AKT3: variants seen among roughly 807,000 people sequenced by gnomAD.
AKT3 encodes the protein AKT serine/threonine kinase 3.
In AKT3, 15 loss-of-function variants were observed where a neutral mutation model predicts 65.3. That is an observed-to-expected ratio of 0.23 (90% CI 0.15 to 0.35). The LOEUF (loss-of-function observed/expected upper bound fraction) is 0.35, where lower values mean the gene tolerates loss of function less well. AKT3 is among the 10% of genes least tolerant of loss of function. AKT3 has a pLI of 1.00. For missense variants in AKT3, 243 were observed against 576.5 expected (o/e 0.42, Z 5.92); for synonymous variants, 206 against 183.8 (o/e 1.12, Z -0.98).
At chr1:243,492,570 C>T (rs1210085824) in intron 13 of AKT3, among the ~76,000 whole-genome samples, 2 of 146,852 alleles carry the variant, frequency 1.4e-5, no homozygotes, top group Non-Finnish European at 3.0e-5. Context: ...TCCTAAAGTG[C>T]TGGGATTACA....
chr1:243,491,237 C>A (rs576250858), intron 13 of AKT3, among the ~76,000 whole-genome samples: 1 of 152,294 alleles, frequency 6.6e-6, no homozygotes, highest in Non-Finnish European at 1.5e-5. Context: ...CTGGCTATTG[C>A]CAAATGAGTT....
Position 243,772,182 on chromosome 1 carries a change from G to A in AKT3, c.46+70943C>T, listed in dbSNP as rs992718287. ...AGCAATGGCAACAAAAGCCAAAATT[G>A]ACAAATGGGATCTAATTAAACTAAA... On this transcript the variant is annotated intron_variant, in intron 2 of 13. Transcript: ENST00000673466. Among the ~76,000 whole-genome samples, 35 of 152,230 alleles carry A rather than the reference G, an allele frequency of 2.3e-4. No homozygotes were observed. In the South Asian group the frequency reaches 5.0e-3, roughly 22 times the overall value.
At chr1:243,650,302 A>T (rs527243168) in intron 4 of AKT3, among the ~76,000 whole-genome samples, 1 of 152,312 alleles carries the variant, frequency 6.6e-6, no homozygotes, top group South Asian at 2.1e-4. Flanking sequence ...GATTCTGGAT[A>T]TTAGCCCTTT....
chr1:243,523,013 G>C (rs1412585476), intron 12 of AKT3, among the ~76,000 whole-genome samples: 2 of 152,184 alleles, frequency 1.3e-5, no homozygotes, highest in African/African-American at 4.8e-5. Flanking sequence ...TGAACTTGTG[G>C]TGAGAAGGAA....
chr1:243,839,009 T>C (rs1421456475), intron 2 of AKT3, among the ~76,000 whole-genome samples: 1 of 152,164 alleles, frequency 6.6e-6, no homozygotes, highest in Non-Finnish European at 1.5e-5. Flanking sequence ...AACAGTAACA[T>C]TATGAATTGA....
intron 3 of AKT3, among the ~76,000 whole-genome samples, chr1:243,667,106 G>T (rs912778776): frequency 6.6e-6 from 1 of 152,104 alleles, no homozygotes; most frequent in Non-Finnish European, 1.5e-5. Context: ...AGTGTGTACT[G>T]CTGTCAGGAG....
chr1:243,747,179 A>T (rs1343268191), intron 2 of AKT3, among the ~76,000 whole-genome samples: 1 of 151,588 alleles, frequency 6.6e-6, no homozygotes, highest in Non-Finnish European at 1.5e-5. Flanking sequence ...ATCTAAATAA[A>T]CTTACTGTTC....
chr1:243,723,389 CT>C (rs1687030538), intron 2 of AKT3, among the ~76,000 whole-genome samples: 1 of 152,214 alleles, frequency 6.6e-6, no homozygotes, highest in Non-Finnish European at 1.5e-5. Context: ...GAATTTATCA[CT>C]TTGAAGCCAA....
intron 3 of AKT3, among the ~76,000 whole-genome samples, chr1:243,666,223 C>G (rs1452709332): frequency 6.6e-6 from 1 of 152,042 alleles, no homozygotes; most frequent in Admixed American, 6.6e-5. Flanking sequence ...AAGCTGATCT[C>G]GAACTCCTGA....
intron 13 of AKT3, among the ~76,000 whole-genome samples, chr1:243,510,402 CCAAA>C (rs1255859516): frequency 2.0e-5 from 3 of 152,060 alleles, no homozygotes; most frequent in Non-Finnish European, 2.9e-5. Flanking sequence ...TAGACACTAA[CCAAA>C]CAAACAGAAA....
At chr1:243,544,738 C>T (rs1365963525) in intron 12 of AKT3, among the ~76,000 whole-genome samples, 4 of 146,734 alleles carry the variant, frequency 2.7e-5, no homozygotes, top group African/African-American at 1.0e-4. Context: ...GGGTCTCACT[C>T]TGTCATCCAG....
At chr1:243,807,350 C>A (rs748214681) in intron 2 of AKT3, among the ~76,000 whole-genome samples, 4 of 152,214 alleles carry the variant, frequency 2.6e-5, no homozygotes, top group Non-Finnish European at 5.9e-5. Flanking sequence ...CTGCGCTTTT[C>A]CAACGGACTT....
chr1:243,750,332 T>G (rs1178444541), intron 2 of AKT3, among the ~76,000 whole-genome samples: 1 of 149,992 alleles, frequency 6.7e-6, no homozygotes. Flanking sequence ...TTTTAAAAAT[T>G]CTCTATTATG....
intron 3 of AKT3, among the ~76,000 whole-genome samples, chr1:243,686,641 ATATATATATATTTTTTTTTTTTTTT>A (rs1684324107): frequency 5.3e-5 from 1 of 18,812 alleles, no homozygotes; most frequent in East Asian, 8.8e-4. Context: ...ATATATATAT[ATATATATATATTTTTTTTTTTTTTT>A]TTTTTTTTTT....
chr1:243,565,359 G>C (rs920589036), intron 9 of AKT3, among the ~76,000 whole-genome samples: 1 of 152,192 alleles, frequency 6.6e-6, no homozygotes, highest in African/African-American at 2.4e-5. Context: ...GAATGGCTGG[G>C]AACACGGGCA....
chr1:243,780,392 A>G (rs1374331758), intron 2 of AKT3, among the ~76,000 whole-genome samples: 1 of 152,064 alleles, frequency 6.6e-6, no homozygotes, highest in Non-Finnish European at 1.5e-5. Context: ...TAACCATATT[A>G]TATCAATGTT....
intron 8 of AKT3, among the ~76,000 whole-genome samples, chr1:243,597,022 A>G (rs552048225): frequency 1.3e-5 from 2 of 152,316 alleles, no homozygotes; most frequent in South Asian, 4.1e-4. Context: ...AAGCAGACCA[A>G]TGGCTACCTA....
At chr1:243,809,296 G>A (rs1692966762) in intron 2 of AKT3, among the ~76,000 whole-genome samples, 1 of 152,136 alleles carries the variant, frequency 6.6e-6, no homozygotes, top group African/African-American at 2.4e-5. Flanking sequence ...CATCTCATGT[G>A]CGGAGACACA....
intron 3 of AKT3, among the ~76,000 whole-genome samples, chr1:243,675,097 C>T (rs1683411129): frequency 6.6e-6 from 1 of 152,152 alleles, no homozygotes; most frequent in Non-Finnish European, 1.5e-5. Context: ...CCATCTGTAC[C>T]AATGAGACAA....
Sources: gnomAD v4.1 joint callset for allele counts (sites outside exome capture counted in the v4.1 genomes callset) on GRCh38, gnomAD v4.1.1 for gene constraint, MANE v1.5 for transcripts, NCBI Gene and HGNC (gene_info 2026-07-23, HGNC 2026-07-21) for gene names.